Variants in LSM14B observed in about 807,000 individuals in gnomAD.
LSM14B encodes the protein LSM family member 14B, also known as protein LSM14 homolog B.
Under a neutral mutation model 42.1 loss-of-function variants are expected in LSM14B, and 8 were observed. The ratio of observed to expected loss-of-function variants is 0.19; its 90% confidence interval spans 0.11 to 0.34. The LOEUF (loss-of-function observed/expected upper bound fraction) is 0.34, where lower values mean the gene tolerates loss of function less well. LSM14B is among the 10% of genes least tolerant of loss of function. LSM14B has a pLI of 1.00. For synonymous variants in LSM14B, 219 were observed against 209.7 expected (o/e 1.04, Z -0.38); for missense variants, 396 against 513.1 (o/e 0.77, Z 2.21).
At chr20:62,127,618 C>T (rs2056644598) in intron 3 of LSM14B, 4 of 1,551,238 alleles carry the variant, frequency 2.6e-6, no homozygotes, top group Non-Finnish European at 3.5e-6. Flanking sequence ...TCAGCCGCTG[C>T]TTCCAGCCCT....
At chr20:62,127,964 AC>A in intron 3 of LSM14B, 1 of 632,340 alleles carries the variant, frequency 1.6e-6, no homozygotes, top group Non-Finnish European at 2.9e-6. Context: ...ACTACCACAT[AC>A]GGGAAACTTC....
rs562295838 is a variant in LSM14B at position 62,130,054 on chromosome 20, C to T, written c.595+102C>T. 1.4e-6 allele frequency: 2 copies of T among 1,416,700 alleles called. No individual in the cohort carries two copies. The highest frequency in any genetic ancestry group is 1.9e-6 in the Non-Finnish European group (2 of 1,062,150). 87.8% of individuals were successfully genotyped at this position (1,416,700 alleles called of 1,614,324 possible). ...TTTTTAATTAAAAAAATACTACTCC[C>T]CCATCCTAAGCCCCATGTGCTTTTG... On this transcript the variant is annotated intron_variant, in intron 4 of 8. Transcript: ENST00000279068. The surrounding 1 kb of genome is among the most constrained non-coding windows in gnomAD (Gnocchi z 4.1).
Position 62,126,377 on chromosome 20 carries a change from C to T in LSM14B, c.365C>T (p.Pro122Leu). The T allele has an allele frequency of 6.2e-7, 1 of 1,612,864 alleles. No individual in the cohort carries two copies. Among genetic ancestry groups the T allele is most frequent in the Non-Finnish European group, 8.5e-7 (1 of 1,179,884 alleles). The change falls in exon 3 of 9, where the codon CCC becomes CTC. Residue 122 changes from proline (P) to leucine (L), a missense_variant. Pro to Leu is a moderately conservative substitution (Grantham distance 98). This residue lies in a region of LSM14B where 274 missense variants were observed against 335.8 expected (regional missense o/e 0.82). Transcript: ENST00000279068. Reference protein sequence around the residue: ...VPYSPFRGMAPYGPLAASSLL... With the variant: ...VPYSPFRGMALYGPLAASSLL... Reference sequence around the variant, plus strand: ...TACAGCCCTTTCCGAGGGATGGCGCCCTACGGCCCGCTGGCGGCCAGCTCC... The same window carrying T: ...TACAGCCCTTTCCGAGGGATGGCGCTCTACGGCCCGCTGGCGGCCAGCTCC...
At chr20:62,131,561 G>T in intron 7 of LSM14B, 55 bp downstream of exon 7, 2 of 1,597,256 alleles carry the variant, frequency 1.3e-6, no homozygotes, top group Non-Finnish European at 1.7e-6. Context: ...AAAGGACAGG[G>T]CTGAGGGCTC....
chr20:62,127,424 G>A (rs774445751), intron 3 of LSM14B, among the ~76,000 whole-genome samples: 1 of 152,202 alleles, frequency 6.6e-6, no homozygotes, highest in Non-Finnish European at 1.5e-5. Context: ...TGTGACAGGC[G>A]GCCTTCCCAG....
In LSM14B at chr20:62,129,672, A is replaced by G. The variant is rs1600935703; in HGVS notation, c.428-113A>G. On this transcript the variant is annotated intron_variant, in intron 3 of 8. Transcript: ENST00000279068. Reference sequence around the variant, plus strand: ...TTTGCCTGGATTTGATAGAACATCTAGGCAGTTGCCCTCCTTTCCTTCCTG... The same window carrying G: ...TTTGCCTGGATTTGATAGAACATCTGGGCAGTTGCCCTCCTTTCCTTCCTG... The G allele has an allele frequency of 3.5e-6, 4 of 1,148,574 alleles. No homozygotes were observed. The South Asian group carries it at 6.4e-5, about 18-fold the overall frequency. 71.1% of individuals were successfully genotyped at this position (1,148,574 alleles called of 1,614,324 possible).
chr20:62,124,555 G>T (rs2056528086), intron 1 of LSM14B, 62 bp from the exon 2 acceptor site: 1 of 1,556,020 alleles, frequency 6.4e-7, no homozygotes, highest in Non-Finnish European at 8.7e-7. Context: ...GGGAGCAGTG[G>T]TGTCAGGGTT....
rs1238769174 is a variant in LSM14B at position 62,135,336 on chromosome 20, G to A, written c.*1188G>A. On this transcript the variant is annotated 3_prime_UTR_variant, in exon 9 of 9. Coordinates refer to ENST00000279068, the MANE Select transcript of LSM14B (RefSeq NM_144703.3). ...AAGGGGGCTCCTCTGTTGGAGTAAT[G>A]TAAATTGTAATTATAAATAAACATG... The A allele has an allele frequency of 6.6e-6, 1 of 152,180 alleles. No individual in the cohort carries two copies. Among genetic ancestry groups the A allele is most frequent in the African/African-American group, 2.4e-5 (1 of 41,440 alleles). The allele number at this position is 152,180 out of a possible 1,614,324, so 9.4% of individuals were successfully genotyped here. A position where few individuals can be genotyped will look rare whatever the true frequency, so the allele number is the denominator to read the frequency against.
At chr20:62,129,000 C>T in intron 3 of LSM14B, 1 of 1,304,058 alleles carries the variant, frequency 7.7e-7, no homozygotes, top group Non-Finnish European at 1.0e-6. Context: ...CCTACAGGTC[C>T]TGGAACCTTG....
At position 62,124,638 on chromosome 20, in the gene LSM14B, A is replaced by G; in HGVS notation, c.149A>G (p.Asp50Gly). The G allele has an allele frequency of 1.2e-6, 2 of 1,613,830 alleles. No homozygotes were observed. The highest frequency in any genetic ancestry group is 1.7e-6 in the Non-Finnish European group (2 of 1,179,810). ...TAAGTGAGGTCCTTTGGCACTGAAG[A>G]CCGTCCCACAGATAGGCCTGCGCCC... ...LAKVRSFGTE[D>G]RPTDRPAPPR... The change falls in exon 2 of 9, where the codon GAC becomes GGC. Residue 50 changes from aspartate (D) to glycine (G), a missense_variant. Physicochemically the swap from Asp to Gly is moderately conservative, Grantham distance 94. Transcript: ENST00000279068.
rs550397547 is a variant in LSM14B at position 62,130,959 on chromosome 20, G to T, written c.835+268G>T. ...CTCGGGAGACTGAGACAGGAGAATC[G>T]TTTGAACCCAGGAGGTGGAGGTTGC... On this transcript the variant is annotated intron_variant, in intron 6 of 8. Coordinates refer to ENST00000279068, the MANE Select transcript of LSM14B (RefSeq NM_144703.3). The surrounding 1 kb of genome is among the most constrained non-coding windows in gnomAD (Gnocchi z 4.1). Among the ~76,000 whole-genome samples, 19 of 152,180 alleles carry T rather than the reference G, an allele frequency of 1.2e-4. No homozygotes were observed. The highest frequency in any genetic ancestry group is 1.9e-4 in the Non-Finnish European group (13 of 68,030).
intron 7 of LSM14B, 106 bp from the exon 8 acceptor site, chr20:62,133,184 C>T: frequency 1.4e-6 from 2 of 1,394,324 alleles, no homozygotes; most frequent in Non-Finnish European, 9.8e-7. Flanking sequence ...CCTGTAGTGG[C>T]CCTGGTGAGT....
At chr20:62,128,958 AC>A (rs2056684889) in intron 3 of LSM14B, 2 of 1,303,958 alleles carry the variant, frequency 1.5e-6, no homozygotes, top group Non-Finnish European at 1.0e-6. Flanking sequence ...CTGTTCACTT[AC>A]ACCCAGTCCC....
intron 3 of LSM14B, chr20:62,127,810 C>T (rs1450403551): frequency 1.2e-6 from 1 of 821,124 alleles, no homozygotes; most frequent in East Asian, 2.6e-5. Flanking sequence ...TTGCCAAGCC[C>T]ATGCAGCCGC....
At chr20:62,123,984 C>T (rs2056503635) in intron 1 of LSM14B, among the ~76,000 whole-genome samples, 1 of 152,176 alleles carries the variant, frequency 6.6e-6, no homozygotes, top group Admixed American at 6.5e-5. Flanking sequence ...GCTGTCCCAC[C>T]CACCTCTGCC....
At chr20:62,133,575 A>G in intron 8 of LSM14B, 100 bp downstream of exon 8, 1 of 1,375,982 alleles carries the variant, frequency 7.3e-7, no homozygotes, top group Non-Finnish European at 9.7e-7. Flanking sequence ...TTTCCCAGGA[A>G]GAAGAGAGGC....
At position 62,131,281 on chromosome 20, in the gene LSM14B, C is replaced by G. The variant is rs372683850; in HGVS notation, c.836-75C>G. The G allele has an allele frequency of 2.7e-6, 4 of 1,505,022 alleles. No individual in the cohort carries two copies. In the Admixed American group the frequency reaches 6.9e-5, roughly 26 times the overall value. The allele number at this position is 1,505,022 out of a possible 1,614,324, so 93.2% of individuals were successfully genotyped here. A position where few individuals can be genotyped will look rare whatever the true frequency, so the allele number is the denominator to read the frequency against. On this transcript the variant is annotated intron_variant, in intron 6 of 8. Transcript: ENST00000279068. Reference sequence around the variant, plus strand: ...CTTGAGGGTGGCTTCCGAGTGAGCCCGGAGGGACCACCCTGCTAAAAGGCT... The same window carrying G: ...CTTGAGGGTGGCTTCCGAGTGAGCCGGGAGGGACCACCCTGCTAAAAGGCT...
Position 62,122,528 on chromosome 20 carries a change from T to A in LSM14B, c.-139T>A. On this transcript the variant is annotated 5_prime_UTR_variant, in exon 1 of 9. Coordinates refer to ENST00000279068, the MANE Select transcript of LSM14B (RefSeq NM_144703.3). This position sits in a 1 kb window ranked among gnomAD's most constrained non-coding sequence, Gnocchi z 4.6. ...GTGCCCGCGCAGGCCCCTCGGGCGG[T>A]GGCGAGGAGGCGCCCAGGCGGAGGC... 4 of 554,070 alleles carry A rather than the reference T, an allele frequency of 7.2e-6. No individual in the cohort carries two copies. Among genetic ancestry groups the A allele is most frequent in the Non-Finnish European group, 9.2e-6 (4 of 436,872 alleles). 34.3% of individuals were successfully genotyped at this position (554,070 alleles called of 1,614,324 possible).
intron 3 of LSM14B, 141 bp from the exon 4 acceptor site, chr20:62,129,644 T>C (rs2145622032): frequency 2.2e-6 from 2 of 917,588 alleles, no homozygotes; most frequent in Non-Finnish European, 3.2e-6. Flanking sequence ...AGTCTGGGGG[T>C]GCTTTGCCTG....
Sources: gnomAD v4.1 joint callset for allele counts (sites outside exome capture counted in the v4.1 genomes callset) on GRCh38, gnomAD v4.1.1 for gene constraint, gnomAD v4.1.1 regional missense constraint, Gnocchi (gnomAD v3.1) non-coding constraint, MANE v1.5 for transcripts, NCBI Gene and HGNC (gene_info 2026-07-23, HGNC 2026-07-21) for gene names.